Variants in BICD2 observed in about 807,000 individuals in gnomAD.
BICD2 encodes the protein protein bicaudal D homolog 2.
A neutral mutation model predicts 72.9 loss-of-function variants in BICD2; 25 were observed. The observed-to-expected ratio is 0.34, with a 90% CI of 0.25 to 0.48. The LOEUF (loss-of-function observed/expected upper bound fraction) is 0.48, where lower values mean the gene tolerates loss of function less well. Among genes scored for constraint, BICD2 ranks in the 20% least tolerant of loss-of-function variants. The pLI is 0.99. For synonymous variants in BICD2, 501 were observed against 516.1 expected (o/e 0.97, Z 0.40); for missense variants, 894 against 1,175.2 (o/e 0.76, Z 3.50).
In BICD2 at chr9:92,747,187, A is replaced by C. The variant is rs187068545; in HGVS notation, c.240+17318T>G. ...GTGGGTCCCCAGTAGGCCAAATCTC[A>C]GAGCCAGTATGTCACCGGGGGCCAA... On this transcript the variant is annotated intron_variant, in intron 1 of 6. Transcript: ENST00000356884. Among the ~76,000 whole-genome samples, 547 of 152,282 alleles carry C rather than the reference A, an allele frequency of 3.6e-3. 6 individuals carry two copies. Among genetic ancestry groups the C allele is most frequent in the Non-Finnish European group, 5.4e-4 (37 of 68,014 alleles).
intron 1 of BICD2, among the ~76,000 whole-genome samples, chr9:92,730,959 C>A (rs1853668257): frequency 6.6e-6 from 1 of 152,176 alleles, no homozygotes; most frequent in African/African-American, 2.4e-5. Flanking sequence ...TATCCTAGTC[C>A]CAAGGAAGGT....
rs369050350 is a variant in BICD2 at position 92,718,840 on chromosome 9, G to A, written c.1805C>T (p.Thr602Met). Reference sequence around the variant, plus strand: ...GCCAGGCGAGGGGCTGCTGTCCCCCGTCCCACCATCTGCTCGGCCCGCCTC... The same window carrying A: ...GCCAGGCGAGGGGCTGCTGTCCCCCATCCCACCATCTGCTCGGCCCGCCTC... ...APEAGRADGG[T>M]GDSSPSPGSS... Residue 602 changes from threonine (T) to methionine (M), a missense_variant, in exon 5 of 7, where the codon ACG becomes ATG. Transcript: ENST00000356884. The A allele has an allele frequency of 1.2e-5, 19 of 1,608,768 alleles. No individual in the cohort carries two copies. Among genetic ancestry groups the A allele is most frequent in the East Asian group, 2.2e-5 (1 of 44,708 alleles).
At chr9:92,728,228 T>A (rs1433114228) in intron 2 of BICD2, among the ~76,000 whole-genome samples, 3 of 152,138 alleles carry the variant, frequency 2.0e-5, no homozygotes, top group African/African-American at 7.2e-5. Context: ...CCTCCACAAC[T>A]CCAGGGCCTT....
chr9:92,751,649 G>A (rs551184450), intron 1 of BICD2, among the ~76,000 whole-genome samples: 1 of 152,296 alleles, frequency 6.6e-6, no homozygotes, highest in East Asian at 1.9e-4. Context: ...CACTGTTGGA[G>A]TGGGAGGTTA....
At chr9:92,725,129 C>T (rs925404668) in intron 2 of BICD2, among the ~76,000 whole-genome samples, 10 of 152,332 alleles carry the variant, frequency 6.6e-5, no homozygotes, top group African/African-American at 2.2e-4. Context: ...AGCAGAGAGC[C>T]TGGCCAGATG....
Position 92,713,531 on chromosome 9 carries a change from G to A in BICD2, c.*1623C>T. On this transcript the variant is annotated 3_prime_UTR_variant, in exon 7 of 7. Coordinates refer to ENST00000356884, the MANE Select transcript of BICD2 (RefSeq NM_001003800.2). Reference sequence around the variant, plus strand: ...GCTTCCTGTTTATCTGACAATTGAAGCTCTCCACGTGCTGGGAGGGCGCGA... The same window carrying A: ...GCTTCCTGTTTATCTGACAATTGAAACTCTCCACGTGCTGGGAGGGCGCGA... 3 of 1,558,646 alleles carry A rather than the reference G, an allele frequency of 1.9e-6. No individual in the cohort carries two copies. Among genetic ancestry groups the A allele is most frequent in the Non-Finnish European group, 2.6e-6 (3 of 1,150,488 alleles).
At chr9:92,717,762 T>C (rs1853346539) in intron 6 of BICD2, 35 bp downstream of exon 6, 2 of 1,574,614 alleles carry the variant, frequency 1.3e-6, no homozygotes, top group Admixed American at 1.8e-5. Context: ...CAGCTGGCCT[T>C]GTGGAAGGGG....
At chr9:92,739,796 C>G (rs904328366) in intron 1 of BICD2, among the ~76,000 whole-genome samples, 8 of 152,148 alleles carry the variant, frequency 5.3e-5, no homozygotes. Flanking sequence ...GTTTCCGAGG[C>G]CTTAAAAGGA....
intron 1 of BICD2, among the ~76,000 whole-genome samples, chr9:92,743,024 T>C (rs2131523785): frequency 6.6e-6 from 1 of 152,318 alleles, no homozygotes; most frequent in East Asian, 1.9e-4. Flanking sequence ...GGTCATGTGG[T>C]ATCTTCAACT....
At position 92,758,204 on chromosome 9, in the gene BICD2, A is replaced by AAATAATAATAATAAT. The variant is rs147701766; in HGVS notation, c.240+6286_240+6300dup. On this transcript the variant is annotated intron_variant, in intron 1 of 6. Transcript: ENST00000356884. Reference sequence around the variant, plus strand: ...GGGCAACAGAGCTAGACTCTGTCTCAAATAATAATAATAATAATAATAATA... The same window carrying AAATAATAATAATAAT: ...GGGCAACAGAGCTAGACTCTGTCTCAAATAATAATAATAATAATAATAATAATAATAATAATAATA... 2.1e-5 allele frequency among the ~76,000 whole-genome samples: 3 copies of AAATAATAATAATAAT among 144,484 alleles called. No individual in the cohort carries two copies. In the South Asian group the frequency reaches 6.6e-4, roughly 32 times the overall value. The allele number at this position is 144,484 out of a possible 152,430, so 94.8% of individuals were successfully genotyped here. A position where few individuals can be genotyped will look rare whatever the true frequency, so the allele number is the denominator to read the frequency against.
At position 92,713,091 on chromosome 9, in the gene BICD2, TAATATCAA is replaced by T. The variant is rs903095885; in HGVS notation, c.*2055_*2062del. The T allele has an allele frequency of 5.6e-5, 14 of 251,258 alleles. No individual in the cohort carries two copies. The highest frequency in any genetic ancestry group is 7.0e-5 in the Non-Finnish European group (9 of 128,798). The allele number at this position is 251,258 out of a possible 1,614,324, so 15.6% of individuals were successfully genotyped here. A position where few individuals can be genotyped will look rare whatever the true frequency, so the allele number is the denominator to read the frequency against. Reference sequence around the variant, plus strand: ...ACGCGAGGAATTAAGGAAGCAAATATAATATCAAAATATCAAAAGTGCACAGGTTGATC... The same window carrying T: ...ACGCGAGGAATTAAGGAAGCAAATATAATATCAAAAGTGCACAGGTTGATC... On this transcript the variant is annotated 3_prime_UTR_variant, in exon 7 of 7. Transcript: ENST00000356884.
rs144673504 is a variant in BICD2, at chr9:92,720,900, G to T, written c.607-145C>A. The T allele has an allele frequency of 4.4e-5, 38 of 857,228 alleles. No individual in the cohort carries two copies. The African/African-American group carries it at 5.1e-4, about 12-fold the overall frequency. The allele number at this position is 857,228 out of a possible 1,614,324, so 53.1% of individuals were successfully genotyped here. A position where few individuals can be genotyped will look rare whatever the true frequency, so the allele number is the denominator to read the frequency against. ...GCCAGGTGAGGTGCCATCCTGGGAA[G>T]GGTGGCAGCCCGTCCAGGCCAAGAC... On this transcript the variant is annotated intron_variant, in intron 3 of 6. Transcript: ENST00000356884. This position sits in a 1 kb window ranked among gnomAD's most constrained non-coding sequence, Gnocchi z 5.4.
At chr9:92,716,608 G>A (rs1853318932) in intron 6 of BICD2, among the ~76,000 whole-genome samples, 1 of 152,212 alleles carries the variant, frequency 6.6e-6, no homozygotes, top group Admixed American at 6.5e-5. Context: ...TTATCTGCTG[G>A]GCCCATGGTG....
chr9:92,718,481 G>A (rs1564059389), intron 5 of BICD2, 58 bp downstream of exon 5: 1 of 1,546,276 alleles, frequency 6.5e-7, no homozygotes. Flanking sequence ...GAGGCCAAGG[G>A]GGAAACACCC....
At chr9:92,750,845 T>A (rs1204426059) in intron 1 of BICD2, among the ~76,000 whole-genome samples, 7 of 152,202 alleles carry the variant, frequency 4.6e-5, no homozygotes, top group Admixed American at 4.6e-4. Context: ...CTAATTGTAT[T>A]ACAAATGTAT....
chr9:92,727,099 T>A (rs766235229), intron 2 of BICD2, among the ~76,000 whole-genome samples: 6 of 152,154 alleles, frequency 3.9e-5, no homozygotes, highest in Admixed American at 2.6e-4. Context: ...AATGAGATCA[T>A]GTACTGCCGC....
chr9:92,722,941 C>T (rs1057028116), intron 2 of BICD2, 133 bp from the exon 3 acceptor site: 26 of 1,126,326 alleles, frequency 2.3e-5, no homozygotes, highest in Non-Finnish European at 1.3e-6. Context: ...GCCAGTGTGA[C>T]TGCCTGGAGA....
chr9:92,729,354 G>A, intron 1 of BICD2, 118 bp from the exon 2 acceptor site: 1 of 1,097,588 alleles, frequency 9.1e-7, no homozygotes, highest in Non-Finnish European at 1.3e-6. Flanking sequence ...CGGGGACTGT[G>A]GGCCTGAAGG....
chr9:92,719,836 C>T (rs1015672382), intron 4 of BICD2, among the ~76,000 whole-genome samples: 7 of 152,262 alleles, frequency 4.6e-5, no homozygotes, highest in African/African-American at 1.4e-4. Flanking sequence ...CTTTCCCCAA[C>T]CATGCTACAG....
Sources: gnomAD v4.1 joint callset for allele counts (sites outside exome capture counted in the v4.1 genomes callset) on GRCh38, gnomAD v4.1.1 for gene constraint, Gnocchi (gnomAD v3.1) non-coding constraint, MANE v1.5 for transcripts, NCBI Gene and HGNC (gene_info 2026-07-23, HGNC 2026-07-21) for gene names.